The following FBXW7 variants were observed in gnomAD, a reference collection of about 807,000 sequenced individuals.
FBXW7 encodes the protein F-box/WD repeat-containing protein 7.
Under a neutral mutation model 86.3 loss-of-function variants are expected in FBXW7, and 11 were observed. The observed-to-expected ratio is 0.13, with a 90% CI of 0.08 to 0.21. FBXW7 has a LOEUF of 0.21. Among genes scored for constraint, FBXW7 ranks in the 10% least tolerant of loss-of-function variants. The probability of loss-of-function intolerance (pLI) is 1.00; values close to 1 mark genes in which losing one functional copy is unlikely to be tolerated. For missense variants in FBXW7, 488 were observed against 847.4 expected (o/e 0.58, Z 5.27); for synonymous variants, 313 against 297.9 (o/e 1.05, Z -0.52).
intron 2 of FBXW7, among the ~76,000 whole-genome samples, chr4:152,468,141 CA>C (rs1400827038): frequency 6.6e-6 from 1 of 151,958 alleles, no homozygotes; most frequent in Admixed American, 6.6e-5. Context: ...AAAAGACTGA[CA>C]ATAAGTGTTT....
chr4:152,448,996 C>T (rs1194545078), intron 2 of FBXW7, among the ~76,000 whole-genome samples: 1 of 152,152 alleles, frequency 6.6e-6, no homozygotes, highest in Non-Finnish European at 1.5e-5. Flanking sequence ...TAAATGCACA[C>T]GATTTCAACA....
intron 2 of FBXW7, among the ~76,000 whole-genome samples, chr4:152,431,947 C>T (rs981628844): frequency 6.6e-6 from 1 of 152,158 alleles, no homozygotes; most frequent in Non-Finnish European, 1.5e-5. Context: ...TCAGTACTTG[C>T]TACTCTTCAG....
At chr4:152,416,916 T>C (rs1346115690) in intron 2 of FBXW7, among the ~76,000 whole-genome samples, 1 of 152,186 alleles carries the variant, frequency 6.6e-6, no homozygotes, top group Admixed American at 6.5e-5. Flanking sequence ...TAACTAAATT[T>C]TAAACTGGTT....
intron 4 of FBXW7, among the ~76,000 whole-genome samples, chr4:152,374,257 T>C (rs1734275911): frequency 6.6e-6 from 1 of 152,006 alleles, no homozygotes; most frequent in Admixed American, 6.6e-5. Flanking sequence ...CTCTTCAAAG[T>C]ACTGTATTTT....
chr4:152,411,937 T>C, intron 3 of FBXW7, 65 bp from the exon 4 acceptor site: 2 of 1,355,688 alleles, frequency 1.5e-6, no homozygotes, highest in South Asian at 1.7e-5. Flanking sequence ...ACTTTCATGT[T>C]ATATGTCTAC....
intron 4 of FBXW7, among the ~76,000 whole-genome samples, chr4:152,374,895 G>C (rs115232516): frequency 1.8e-3 from 280 of 151,954 alleles, no homozygotes; most frequent in African/African-American, 6.6e-3. Flanking sequence ...GGAGGGGGGG[G>C]GATGATGCTG....
intron 2 of FBXW7, among the ~76,000 whole-genome samples, chr4:152,464,075 C>T (rs548475095): frequency 1.3e-5 from 2 of 152,284 alleles, no homozygotes; most frequent in East Asian, 1.9e-4. Context: ...AGCATGTTTA[C>T]GGCCAGATCC....
At position 152,535,579 on chromosome 4, in the gene FBXW7, G is replaced by C; in HGVS notation, c.-665C>G. 2.5e-6 allele frequency: 1 copy of C among 396,938 alleles called. No homozygotes were observed. Among genetic ancestry groups the C allele is most frequent in the Non-Finnish European group, 4.4e-6 (1 of 224,866 alleles). 24.6% of individuals were successfully genotyped at this position (396,938 alleles called of 1,614,324 possible). ...GCTACGGCCCCGGGCGGGTGGCCGAGTCGGCGGCAAGGCGAGGGACCCGGC... is the reference window on the plus strand; with the variant it reads ...GCTACGGCCCCGGGCGGGTGGCCGACTCGGCGGCAAGGCGAGGGACCCGGC... On this transcript the variant is annotated 5_prime_UTR_variant, in exon 1 of 14. Transcript: ENST00000281708.
intron 2 of FBXW7, among the ~76,000 whole-genome samples, chr4:152,510,767 G>A (rs1747888982): frequency 6.6e-6 from 1 of 152,128 alleles, no homozygotes; most frequent in Non-Finnish European, 1.5e-5. Flanking sequence ...ATTGAATAAG[G>A]CTAACCTCAC....
At chr4:152,454,945 TTAAA>T (rs1307911270) in intron 2 of FBXW7, among the ~76,000 whole-genome samples, 1 of 152,126 alleles carries the variant, frequency 6.6e-6, no homozygotes, top group African/African-American at 2.4e-5. Flanking sequence ...ATGTGTTTCC[TTAAA>T]TAACCATTTT....
At chr4:152,369,905 AT>A (rs1024399751) in intron 4 of FBXW7, among the ~76,000 whole-genome samples, 3 of 152,042 alleles carry the variant, frequency 2.0e-5, no homozygotes, top group Middle Eastern at 6.3e-3. Context: ...TGTATAACAC[AT>A]GTAAGAACAT....
intron 12 of FBXW7, 103 bp downstream of exon 12, chr4:152,325,902 CT>C (rs2126490251): frequency 7.1e-6 from 6 of 839,220 alleles, no homozygotes; most frequent in Non-Finnish European, 1.1e-5. Flanking sequence ...TCTGATTAAT[CT>C]TTTTTGGACT....
chr4:152,459,340 C>T (rs1742726786), intron 2 of FBXW7, among the ~76,000 whole-genome samples: 1 of 152,178 alleles, frequency 6.6e-6, no homozygotes. Context: ...CACTAGCTTC[C>T]ACCTAGTAAA....
intron 4 of FBXW7, chr4:152,352,882 A>C (rs1731982241): frequency 1.4e-6 from 2 of 1,455,522 alleles, no homozygotes; most frequent in Non-Finnish European, 1.8e-6. Context: ...CCTTGAACAC[A>C]GAATGGTGCA....
chr4:152,477,534 G>T (rs1039071243), intron 2 of FBXW7, among the ~76,000 whole-genome samples: 3 of 151,978 alleles, frequency 2.0e-5, no homozygotes, highest in African/African-American at 7.2e-5. Flanking sequence ...AAATTTGGGG[G>T]AAAAAATAGT....
chr4:152,466,338 T>C (rs1195175250), intron 2 of FBXW7, among the ~76,000 whole-genome samples: 1 of 151,718 alleles, frequency 6.6e-6, no homozygotes, highest in Non-Finnish European at 1.5e-5. Context: ...GGTGGTCACC[T>C]GAGGTCAGGA....
chr4:152,483,241 T>A (rs1190950631), intron 2 of FBXW7, among the ~76,000 whole-genome samples: 6 of 152,096 alleles, frequency 3.9e-5, no homozygotes, highest in Non-Finnish European at 8.8e-5. Context: ...TTTTATTAAT[T>A]TTTAGAAGGT....
intron 2 of FBXW7, among the ~76,000 whole-genome samples, chr4:152,417,884 G>C (rs1415383763): frequency 1.3e-5 from 2 of 152,100 alleles, no homozygotes; most frequent in Admixed American, 6.5e-5. Flanking sequence ...AGAAGTACTA[G>C]AATGGGGATT....
chr4:152,478,764 T>C (rs1744633107), intron 2 of FBXW7, among the ~76,000 whole-genome samples: 1 of 152,142 alleles, frequency 6.6e-6, no homozygotes, highest in Non-Finnish European at 1.5e-5. Flanking sequence ...AGCCAAATTG[T>C]ATCTAAATGT....
Sources: allele counts gnomAD v4.1 joint callset (sites outside exome capture counted in the v4.1 genomes callset), GRCh38; gene constraint gnomAD v4.1.1; transcripts MANE v1.5; gene names NCBI Gene and HGNC (gene_info 2026-07-23, HGNC 2026-07-21).